YAF2: variants seen among roughly 807,000 people sequenced by gnomAD.
YAF2 encodes the protein YY1 associated factor 2.
In YAF2, 7 loss-of-function variants were observed where a neutral mutation model predicts 20.1. The observed-to-expected ratio is 0.35, with a 90% CI of 0.20 to 0.65. The LOEUF is 0.65. YAF2 is among the 30% of genes least tolerant of loss of function. The probability of loss-of-function intolerance (pLI) is 0.69; values close to 1 mark genes in which losing one functional copy is unlikely to be tolerated. For synonymous variants in YAF2, 74 were observed against 76.0 expected (o/e 0.97, Z 0.14); for missense variants, 151 against 219.2 (o/e 0.69, Z 1.96).
At position 42,163,758 on chromosome 12, in the gene YAF2, T is replaced by C. The variant is rs142224265; in HGVS notation, c.153-1993A>G. On this transcript the variant is annotated intron_variant, in intron 2 of 3. Coordinates refer to ENST00000534854, the MANE Select transcript of YAF2 (RefSeq NM_005748.6). Reference sequence around the variant, plus strand: ...GTTCAATTATTCAAATAAAGTTCTCTGCTGCTCTCTAGGAGCTAAAGAGCT... The same window carrying C: ...GTTCAATTATTCAAATAAAGTTCTCCGCTGCTCTCTAGGAGCTAAAGAGCT... Among the ~76,000 whole-genome samples the C allele has an allele frequency of 5.4e-3, 818 of 152,324 alleles. 5 individuals carry two copies. Among genetic ancestry groups the C allele is most frequent in the Middle Eastern group, 0.037 (11 of 294 alleles).
At chr12:42,175,860 G>A (rs1236029337) in intron 2 of YAF2, among the ~76,000 whole-genome samples, 2 of 150,586 alleles carry the variant, frequency 1.3e-5, no homozygotes, top group Non-Finnish European at 3.0e-5. Flanking sequence ...ATTCAAGGTT[G>A]AAAACAATTG....
At position 42,159,423 on chromosome 12, in the gene YAF2, T is replaced by C. The variant is rs1463727917; in HGVS notation, c.*1166A>G. 1 of 152,126 alleles carries C rather than the reference T, an allele frequency of 6.6e-6. No homozygotes were observed. The highest frequency in any genetic ancestry group is 1.5e-5 in the Non-Finnish European group (1 of 67,962). The allele number at this position is 152,126 out of a possible 1,614,324, so 9.4% of individuals were successfully genotyped here. The stretch of plus-strand genomic sequence containing the variant: ...CAACATAAAACTCTTTAAATAGTTG[T>C]AAACAAAAATGCAAAATCTGTAGTC... On this transcript the variant is annotated 3_prime_UTR_variant, in exon 4 of 4. Coordinates refer to ENST00000534854, the MANE Select transcript of YAF2 (RefSeq NM_005748.6).
intron 2 of YAF2, 76 bp downstream of exon 2, chr12:42,237,523 G>A (rs1252705387): frequency 6.4e-6 from 9 of 1,406,860 alleles, no homozygotes; most frequent in Non-Finnish European, 8.4e-6. Context: ...GTCATGGGAG[G>A]GGGCGGCAGC....
chr12:42,188,504 G>C (rs2066531548), intron 2 of YAF2, among the ~76,000 whole-genome samples: 1 of 150,064 alleles, frequency 6.7e-6, no homozygotes, highest in African/African-American at 2.5e-5. Flanking sequence ...TCATGCCTCA[G>C]CCTCCTGAGT....
In YAF2 at chr12:42,157,739, ATTC is replaced by A. The variant is rs2065732462; in HGVS notation, c.*2847_*2849del. 6.6e-6 allele frequency: 1 copy of A among 151,842 alleles called. No individual in the cohort carries two copies. The highest frequency in any genetic ancestry group is 1.5e-5 in the Non-Finnish European group (1 of 67,970). The allele number at this position is 151,842 out of a possible 1,614,324, so 9.4% of individuals were successfully genotyped here. A position where few individuals can be genotyped will look rare whatever the true frequency, so the allele number is the denominator to read the frequency against. The stretch of plus-strand genomic sequence containing the variant: ...GTATAATACAAAAGGTTTTAAGAAT[ATTC>A]TTCTGTGCCTCAAATTATATTCACT... On this transcript the variant is annotated 3_prime_UTR_variant, in exon 4 of 4. Coordinates refer to ENST00000534854, the MANE Select transcript of YAF2 (RefSeq NM_005748.6).
intron 2 of YAF2, among the ~76,000 whole-genome samples, chr12:42,226,774 C>T (rs1486007242): frequency 6.6e-6 from 1 of 152,124 alleles, no homozygotes; most frequent in East Asian, 1.9e-4. Context: ...GGAAAAGCAA[C>T]GCCAGGTGTC....
intron 2 of YAF2, chr12:42,233,125 AATGAG>A (rs1261866333): frequency 2.3e-5 from 23 of 985,354 alleles, no homozygotes; most frequent in South Asian, 1.4e-4. Context: ...GTTGATATGA[AATGAG>A]ATATGAACCC....
At chr12:42,187,801 G>T (rs374829523) in intron 2 of YAF2, among the ~76,000 whole-genome samples, 16 of 152,240 alleles carry the variant, frequency 1.1e-4, no homozygotes, top group Middle Eastern at 6.8e-3. Flanking sequence ...ACTGAATATG[G>T]CTGACTTGTA....
intron 2 of YAF2, among the ~76,000 whole-genome samples, chr12:42,218,950 C>T (rs2067439150): frequency 6.6e-6 from 1 of 152,124 alleles, no homozygotes; most frequent in Non-Finnish European, 1.5e-5. Context: ...TGCCACCCTA[C>T]AAAACTCACT....
At chr12:42,215,786 C>T (rs1238201389) in intron 2 of YAF2, among the ~76,000 whole-genome samples, 1 of 151,958 alleles carries the variant, frequency 6.6e-6, no homozygotes, top group Admixed American at 6.6e-5. Flanking sequence ...ATTAGCCAGG[C>T]ATGATTGCAC....
At position 42,159,569 on chromosome 12, in the gene YAF2, A is replaced by G. The variant is rs1439253906; in HGVS notation, c.*1020T>C. ...CTGAAAATAGGGTACTATGATTTTC[A>G]TAAGAATTATTGTATTTAATAAGAA... is the stretch of plus-strand genomic sequence containing the variant. On this transcript the variant is annotated 3_prime_UTR_variant, in exon 4 of 4. Coordinates refer to ENST00000534854, the MANE Select transcript of YAF2 (RefSeq NM_005748.6). The G allele has an allele frequency of 2.6e-5, 4 of 152,118 alleles. No homozygotes were observed. The highest frequency in any genetic ancestry group is 5.9e-5 in the Non-Finnish European group (4 of 67,966). 9.4% of individuals were successfully genotyped at this position (152,118 alleles called of 1,614,324 possible).
chr12:42,169,702 C>T (rs532487367), intron 2 of YAF2, among the ~76,000 whole-genome samples: 2 of 152,170 alleles, frequency 1.3e-5, no homozygotes, highest in South Asian at 2.1e-4. Flanking sequence ...TGTGAACCAC[C>T]GTGCCCAGCC....
chr12:42,237,346 G>C (rs529883533), intron 2 of YAF2: 2 of 1,107,070 alleles, frequency 1.8e-6, no homozygotes, highest in East Asian at 5.0e-5. Context: ...TTAAATCGCA[G>C]TAGCTAATGC....
chr12:42,184,602 G>A (rs1176409997), intron 2 of YAF2, among the ~76,000 whole-genome samples: 2 of 152,086 alleles, frequency 1.3e-5, no homozygotes, highest in East Asian at 1.9e-4. Context: ...GAACCACCAC[G>A]CCCGACCCTC....
At chr12:42,228,437 C>T (rs1422509800) in intron 2 of YAF2, among the ~76,000 whole-genome samples, 1 of 55,744 alleles carries the variant, frequency 1.8e-5, no homozygotes, top group East Asian at 7.7e-4. Context: ...GGGGGGTCAG[C>T]CCCCCGCCTG....
At chr12:42,211,734 ACT>A (rs1454850588) in intron 2 of YAF2, among the ~76,000 whole-genome samples, 1 of 123,972 alleles carries the variant, frequency 8.1e-6, no homozygotes, top group East Asian at 2.3e-4. Flanking sequence ...ACAGAGGGAG[ACT>A]CTGTCCAAAA....
rs541363317 is a variant in YAF2, at chr12:42,160,394, T to A, written c.*195A>T. The A allele has an allele frequency of 2.0e-4, 112 of 557,434 alleles. No homozygotes were observed. The South Asian group carries it at 2.7e-3, about 13-fold the overall frequency. The allele number at this position is 557,434 out of a possible 1,614,324, so 34.5% of individuals were successfully genotyped here. On this transcript the variant is annotated 3_prime_UTR_variant, in exon 4 of 4. Coordinates refer to ENST00000534854, the MANE Select transcript of YAF2 (RefSeq NM_005748.6). ...TGGCACTTAACTGCAGAGACCAAAA[T>A]GTTAAGTCTGGAAATGTTTGGTAGG...
intron 2 of YAF2, among the ~76,000 whole-genome samples, chr12:42,208,374 G>T (rs891769401): frequency 6.6e-6 from 1 of 151,550 alleles, no homozygotes; most frequent in Non-Finnish European, 1.5e-5. Flanking sequence ...TGCAGTGAAC[G>T]GATATCATGC....
At chr12:42,189,012 G>A (rs1051003976) in intron 2 of YAF2, among the ~76,000 whole-genome samples, 3 of 152,124 alleles carry the variant, frequency 2.0e-5, no homozygotes, top group Non-Finnish European at 2.9e-5. Context: ...CTACAACTGG[G>A]AGAATCAGAG....
Sources: gnomAD v4.1 joint callset for allele counts (sites outside exome capture counted in the v4.1 genomes callset) on GRCh38, gnomAD v4.1.1 for gene constraint, MANE v1.5 for transcripts, NCBI Gene and HGNC (gene_info 2026-07-23, HGNC 2026-07-21) for gene names.